The following TSFM variants were observed in gnomAD, a reference collection of about 807,000 sequenced individuals.
The protein encoded by TSFM is elongation factor Ts, mitochondrial.
A neutral mutation model predicts 33.4 loss-of-function variants in TSFM; 29 were observed. That is an observed-to-expected ratio of 0.87 (90% CI 0.65 to 1.18). The LOEUF is 1.18. TSFM is among the 50% of genes most tolerant of loss of function. The pLI is 0.00. For synonymous variants in TSFM, 178 were observed against 163.5 expected (o/e 1.09, Z -0.68); for missense variants, 394 against 395.6 (o/e 1.00, Z 0.04).
rs1320309843 is a variant in TSFM at position 57,796,730 on chromosome 12, T to C, written c.*147T>C. Reference sequence around the variant, plus strand: ...TATAATAAAAATAATTTTTTCCTTGTTTGCGTAATACTGGATTTAGCTTTT... The same window carrying C: ...TATAATAAAAATAATTTTTTCCTTGCTTGCGTAATACTGGATTTAGCTTTT... On this transcript the variant is annotated 3_prime_UTR_variant, in exon 6 of 6. Coordinates refer to ENST00000652027, the MANE Select transcript of TSFM (RefSeq NM_005726.6). The C allele has an allele frequency of 8.1e-7, 1 of 1,237,764 alleles. No homozygotes were observed. Among genetic ancestry groups the C allele is most frequent in the African/African-American group, 1.6e-5 (1 of 64,498 alleles). The allele number at this position is 1,237,764 out of a possible 1,614,324, so 76.7% of individuals were successfully genotyped here.
Position 57,786,419 on chromosome 12 carries a change from A to G in TSFM, c.360+128A>G, listed in dbSNP as rs1269640418. ...AGAACCATAAAGCGTAGTTGAAGTT[A>G]AACTCATGAAACCCTGGGTATTAGT... On this transcript the variant is annotated intron_variant, in intron 3 of 5. Coordinates refer to ENST00000652027, the MANE Select transcript of TSFM (RefSeq NM_005726.6). 3.5e-6 allele frequency: 4 copies of G among 1,156,904 alleles called. No individual in the cohort carries two copies. In the Admixed American group the frequency reaches 1.3e-4, roughly 39 times the overall value. 71.7% of individuals were successfully genotyped at this position (1,156,904 alleles called of 1,614,324 possible).
downstream of TSFM, chr12:57,800,189 G>A: frequency 3.0e-6 from 1 of 335,442 alleles, no homozygotes; most frequent in Non-Finnish European, 5.5e-6. Context: ...TCTTGTGTCT[G>A]GATCTCATTT....
chr12:57,788,965 CTTTT>C (rs35955000), intron 4 of TSFM, among the ~76,000 whole-genome samples: 1 of 136,112 alleles, frequency 7.3e-6, no homozygotes. Context: ...TATCATCGCC[CTTTT>C]TTTTTTTTTT....
At chr12:57,792,243 CA>C (rs1252710889) in intron 4 of TSFM, among the ~76,000 whole-genome samples, 1 of 139,840 alleles carries the variant, frequency 7.2e-6, no homozygotes, top group African/African-American at 2.7e-5. Context: ...GACTCCATCT[CA>C]AAAAAAAGAA....
intron 4 of TSFM, 96 bp downstream of exon 4, chr12:57,787,258 A>C (rs1279782833): frequency 1.6e-6 from 2 of 1,236,160 alleles, no homozygotes; most frequent in African/African-American, 3.0e-5. Flanking sequence ...TCATTCTGTT[A>C]CTTCACATCT....
chr12:57,782,794 C>CT lies in TSFM; in HGVS notation c.-7dup. 1 of 1,587,176 alleles carries CT rather than the reference C, an allele frequency of 6.3e-7. No individual in the cohort carries two copies. The highest frequency in any genetic ancestry group is 8.6e-7 in the Non-Finnish European group (1 of 1,167,454). On this transcript the variant is annotated 5_prime_UTR_variant, in exon 1 of 6. Coordinates refer to ENST00000652027, the MANE Select transcript of TSFM (RefSeq NM_005726.6). ...GCCCGCCGGAGGGTGTTTATCGCGG[C>CT]TAGAGAGATGTCGCTGCTGCGGTCG... is the stretch of plus-strand genomic sequence containing the variant.
chr12:57,796,231 C>G lies in TSFM; in HGVS notation c.626C>G (p.Ser209Cys). ...LKRAAWVKVPSGFYVGSYVHG... is the reference protein window; with the variant it reads ...LKRAAWVKVPCGFYVGSYVHG... The stretch of plus-strand genomic sequence containing the variant: ...CGAGCTGCATGGGTGAAGGTGCCAT[C>G]TGGGTTCTACGTTGGCTCTTATGTC... Residue 209 changes from serine (S) to cysteine (C), a missense_variant, in exon 6 of 6, where the codon TCT (serine) becomes TGT (cysteine). Ser to Cys is a moderately radical substitution (Grantham distance 112, BLOSUM62 -1). This residue lies in a region of TSFM where 186 missense variants were observed against 198.8 expected (regional missense o/e 0.94). Transcript: ENST00000652027. The G allele has an allele frequency of 6.2e-7, 1 of 1,610,856 alleles. No homozygotes were observed. Among genetic ancestry groups the G allele is most frequent in the Non-Finnish European group, 8.5e-7 (1 of 1,177,840 alleles).
chr12:57,802,430 C>G, downstream of TSFM: 2 of 1,470,970 alleles, frequency 1.4e-6, no homozygotes. Flanking sequence ...CCCTATCTTT[C>G]CCCTTTCTTT....
chr12:57,783,869 G>A (rs1245007771), intron 2 of TSFM: 9 of 677,108 alleles, frequency 1.3e-5, no homozygotes, highest in Non-Finnish European at 2.2e-5. Context: ...GCCCGCCTCG[G>A]CTTCCCAGAG....
At chr12:57,784,474 A>G (rs1256123159) in intron 2 of TSFM, among the ~76,000 whole-genome samples, 3 of 152,242 alleles carry the variant, frequency 2.0e-5, no homozygotes, top group Non-Finnish European at 4.4e-5. Flanking sequence ...AACATGTTTT[A>G]AATTTTTGGA....
chr12:57,794,883 C>T lies in TSFM; in HGVS notation c.572-1294C>T, dbSNP rs147271830. Among the ~76,000 whole-genome samples the T allele has an allele frequency of 5.4e-3, 819 of 151,930 alleles. 6 individuals carry two copies. Among genetic ancestry groups the T allele is most frequent in the African/African-American group, 0.019 (767 of 41,428 alleles). On this transcript the variant is annotated intron_variant, in intron 5 of 5. Transcript: ENST00000652027. ...CACGCCATTCTCCTGCCTTAGCCTC[C>T]TGAGTAGCTGGGACTGTAGGTGCCC...
intron 2 of TSFM, 46 bp from the exon 3 acceptor site, chr12:57,786,117 A>G: frequency 6.4e-7 from 1 of 1,551,834 alleles, no homozygotes; most frequent in Non-Finnish European, 8.7e-7. Context: ...ATTTAGTGCT[A>G]AATTCTGTGA....
intron 3 of TSFM, among the ~76,000 whole-genome samples, chr12:57,786,683 G>A (rs555685880): frequency 1.4e-4 from 21 of 152,338 alleles, no homozygotes; most frequent in African/African-American, 5.1e-4. Flanking sequence ...AGTTTAGAGT[G>A]AGAGATGGGG....
chr12:57,783,580 A>G (rs1360080137), intron 2 of TSFM: 4 of 623,070 alleles, frequency 6.4e-6, no homozygotes, highest in East Asian at 7.3e-5. Flanking sequence ...GGGCCCCCAC[A>G]CTGTCTGACT....
downstream of TSFM, chr12:57,802,424 ATCTT>A: frequency 6.8e-7 from 1 of 1,479,520 alleles, no homozygotes; most frequent in Non-Finnish European, 9.2e-7. Context: ...ACATTACCCT[ATCTT>A]TCCCCTTTCT....
At chr12:57,787,727 A>G (rs1259171069) in intron 4 of TSFM, among the ~76,000 whole-genome samples, 1 of 152,160 alleles carries the variant, frequency 6.6e-6, no homozygotes, top group Non-Finnish European at 1.5e-5. Context: ...TCGAGAGTTC[A>G]AGACCAGCCT....
downstream of TSFM, chr12:57,802,401 T>C: frequency 6.5e-7 from 1 of 1,527,706 alleles, no homozygotes. Flanking sequence ...AAGGACTAAG[T>C]ACTAGATCAT....
At chr12:57,796,045 TC>T in intron 5 of TSFM, 131 bp from the exon 6 acceptor site, 1 of 780,194 alleles carries the variant, frequency 1.3e-6, no homozygotes, top group South Asian at 2.3e-5. Context: ...TGGTATCTCT[TC>T]ATCTTACTGC....
chr12:57,782,808 C>T lies in TSFM; in HGVS notation c.7C>T (p.Leu3=), dbSNP rs550227996. 1.5e-5 allele frequency: 24 copies of T among 1,591,782 alleles called. No individual in the cohort carries two copies. Among genetic ancestry groups the T allele is most frequent in the Non-Finnish European group, 1.9e-5 (22 of 1,169,982 alleles). The change falls in exon 1 of 6, where the codon CTG becomes TTG. Residue 3 remains leucine (L), a synonymous_variant. Transcript: ENST00000652027. ...GTTTATCGCGGCTAGAGAGATGTCG[C>T]TGCTGCGGTCGCTGCGCGTGTTTCT... is the stretch of plus-strand genomic sequence containing the variant. The part of the protein sequence containing the change: MS[L]LRSLRVFLVA...
Sources: allele counts gnomAD v4.1 joint callset (sites outside exome capture counted in the v4.1 genomes callset), GRCh38; gene constraint gnomAD v4.1.1; regional missense constraint gnomAD v4.1.1; transcripts MANE v1.5; gene names NCBI Gene and HGNC (gene_info 2026-07-23, HGNC 2026-07-21).